The following CCDC73 variants were observed in gnomAD, a reference collection of about 807,000 sequenced individuals.
CCDC73 encodes the protein coiled-coil domain-containing protein 73.
A neutral mutation model predicts 116.5 loss-of-function variants in CCDC73; 95 were observed. The observed-to-expected ratio is 0.82, with a 90% CI of 0.69 to 0.97. The LOEUF is 0.97. Ranked by LOEUF, CCDC73 falls within the 50% of genes least tolerant of loss-of-function variation. The pLI is 0.00. For synonymous variants in CCDC73, 398 were observed against 401.3 expected (o/e 0.99, Z 0.10); for missense variants, 1,066 against 1,206.8 (o/e 0.88, Z 1.73).
chr11:32,673,208 A>C (rs1020834342), intron 9 of CCDC73, among the ~76,000 whole-genome samples: 2 of 152,286 alleles, frequency 1.3e-5, no homozygotes, highest in Middle Eastern at 3.4e-3. Flanking sequence ...TGCAAATCAA[A>C]ACAAGATACC....
intron 2 of CCDC73, among the ~76,000 whole-genome samples, chr11:32,749,844 G>A (rs576121482): frequency 6.6e-6 from 1 of 151,806 alleles, no homozygotes; most frequent in Non-Finnish European, 1.5e-5. Flanking sequence ...TACCAAGCAG[G>A]GACTCATTCT....
chr11:32,829,650 A>G, the CCDC73 span: 2 of 622,442 alleles, frequency 3.2e-6, no homozygotes, highest in Non-Finnish European at 2.0e-6. Context: ...CGCTCTGCTT[A>G]AGACTGAGAA....
At chr11:32,659,858 A>C (rs1484328064) in intron 9 of CCDC73, among the ~76,000 whole-genome samples, 2 of 152,146 alleles carry the variant, frequency 1.3e-5, no homozygotes, top group African/African-American at 4.8e-5. Flanking sequence ...GACTATTAAC[A>C]AGAGGCCAAT....
At position 32,613,546 on chromosome 11, in the gene CCDC73, C is replaced by T. The variant is rs763207450; in HGVS notation, c.2772G>A (p.Ser924=). Residue 924 remains serine (S), a synonymous_variant, in exon 16 of 18, where the codon TCG becomes TCA. Coordinates refer to ENST00000335185, the MANE Select transcript of CCDC73 (RefSeq NM_001008391.4). ...NHIESQTASS[S]TPCISLLLKE... is the part of the protein sequence containing the mutation. ...TCAGCAACAAAGAAATGCAAGGGGT[C>T]GAACTGCTCGCTGTTTGACTTTCAA... 9.3e-6 allele frequency: 15 copies of T among 1,614,048 alleles called. No homozygotes were observed. Among genetic ancestry groups the T allele is most frequent in the African/African-American group, 5.3e-5 (4 of 75,018 alleles).
intron 2 of CCDC73, among the ~76,000 whole-genome samples, chr11:32,742,184 T>C (rs1267044882): frequency 6.6e-6 from 1 of 152,234 alleles, no homozygotes; most frequent in Non-Finnish European, 1.5e-5. Context: ...AGTAATGGCA[T>C]GGCTGGGTCA....
chr11:32,636,852 T>C (rs886166474), intron 13 of CCDC73, among the ~76,000 whole-genome samples: 4 of 151,882 alleles, frequency 2.6e-5, no homozygotes, highest in Non-Finnish European at 4.4e-5. Context: ...TCCTCTCCTA[T>C]CTTCCTAAGT....
chr11:32,796,494 A>C (rs978811373), upstream of CCDC73, among the ~76,000 whole-genome samples: 1 of 152,206 alleles, frequency 6.6e-6, no homozygotes, highest in African/African-American at 2.4e-5. Flanking sequence ...TTTGCCTATT[A>C]GAAAACTAAG....
chr11:32,766,254 A>G (rs1038011504), intron 1 of CCDC73, among the ~76,000 whole-genome samples: 7 of 152,256 alleles, frequency 4.6e-5, no homozygotes, highest in African/African-American at 1.7e-4. Flanking sequence ...ACAAAATTCA[A>G]CAGCCCTTCA....
chr11:32,755,989 A>C (rs1388774132), intron 2 of CCDC73, among the ~76,000 whole-genome samples: 10 of 9,976 alleles, frequency 1.0e-3, no homozygotes, highest in Non-Finnish European at 1.1e-3. Context: ...CTATATATAT[A>C]TCTCCATATA....
At chr11:32,675,667 G>C in intron 8 of CCDC73, 23 bp from the exon 9 acceptor site, 1 of 1,530,022 alleles carries the variant, frequency 6.5e-7, no homozygotes. Flanking sequence ...AGACATTTAA[G>C]AAAGCATTAT....
chr11:32,828,574 C>A, the CCDC73 span, among the ~76,000 whole-genome samples: 19 of 151,574 alleles, frequency 1.3e-4, no homozygotes, highest in Non-Finnish European at 2.1e-4. Flanking sequence ...AAGTGCCAGA[C>A]CACTTCGACC....
rs1354796200 is a variant in CCDC73 at position 32,780,575 on chromosome 11, T to TA, written c.-16+14037dup. 5.9e-5 allele frequency among the ~76,000 whole-genome samples: 9 copies of TA among 152,028 alleles called. No homozygotes were observed. In the East Asian group the frequency reaches 1.7e-3, roughly 29 times the overall value. The stretch of plus-strand genomic sequence containing the variant: ...ATGTTTACAACAAAATATTTACTAA[T>TA]AAAAAACAAGAAAGAAAAGTTGGAA... On this transcript the variant is annotated intron_variant, in intron 1 of 17. Coordinates refer to ENST00000335185, the MANE Select transcript of CCDC73 (RefSeq NM_001008391.4).
intron 14 of CCDC73, among the ~76,000 whole-genome samples, chr11:32,617,910 G>A (rs550679492): frequency 6.6e-6 from 1 of 152,146 alleles, no homozygotes; most frequent in East Asian, 1.9e-4. Flanking sequence ...TAGATTAAGG[G>A]TATACATGTG....
chr11:32,606,669 C>A (rs1402045639), intron 17 of CCDC73, among the ~76,000 whole-genome samples: 1 of 152,042 alleles, frequency 6.6e-6, no homozygotes, highest in East Asian at 1.9e-4. Context: ...GACTAAGAGC[C>A]ACAATATCTA....
At chr11:32,792,666 A>G (rs565232066) in intron 1 of CCDC73, among the ~76,000 whole-genome samples, 6 of 152,216 alleles carry the variant, frequency 3.9e-5, no homozygotes, top group African/African-American at 1.4e-4. Context: ...CTCCTTCAGA[A>G]AACTCAGTCA....
At chr11:32,734,425 C>CT (rs34093038) in intron 2 of CCDC73, among the ~76,000 whole-genome samples, 76 of 131,366 alleles carry the variant, frequency 5.8e-4, no homozygotes, top group South Asian at 7.4e-4. Flanking sequence ...ATTTTTTTTT[C>CT]TTTTTTTTTT....
intron 1 of CCDC73, among the ~76,000 whole-genome samples, chr11:32,785,042 T>C (rs934943705): frequency 6.6e-6 from 1 of 152,006 alleles, no homozygotes; most frequent in African/African-American, 2.4e-5. Flanking sequence ...GGTGGGCGCC[T>C]GTAATCCCAG....
At chr11:32,731,231 C>T (rs1297961638) in intron 2 of CCDC73, among the ~76,000 whole-genome samples, 1 of 152,174 alleles carries the variant, frequency 6.6e-6, no homozygotes, top group African/African-American at 2.4e-5. Context: ...GGGGGAGAGG[C>T]GCCCACCACT....
chr11:32,615,520 AG>A (rs1855466078), intron 15 of CCDC73, among the ~76,000 whole-genome samples: 1 of 152,140 alleles, frequency 6.6e-6, no homozygotes, highest in African/African-American at 2.4e-5. Context: ...ATTCTAACAA[AG>A]ATTTCAACTT....
Sources: gnomAD v4.1 joint callset for allele counts (sites outside exome capture counted in the v4.1 genomes callset) on GRCh38, gnomAD v4.1.1 for gene constraint, MANE v1.5 for transcripts, NCBI Gene and HGNC (gene_info 2026-07-23, HGNC 2026-07-21) for gene names.